The following FAT1 variants were observed in gnomAD, a reference collection of about 807,000 sequenced individuals.
The protein encoded by FAT1 is FAT atypical cadherin 1.
A neutral mutation model predicts 329.8 loss-of-function variants in FAT1; 171 were observed. The ratio of observed to expected loss-of-function variants is 0.52; its 90% CI spans 0.46 to 0.59. FAT1 has a LOEUF of 0.59. Among genes scored for constraint, FAT1 ranks in the 20% least tolerant of loss-of-function variants. The pLI is 0.00. For synonymous variants in FAT1, 2,233 were observed against 2,228.6 expected, an observed-to-expected ratio of 1.00 and a Z score of -0.06; for missense variants, 5,672 against 5,774.4, an observed-to-expected ratio of 0.98 and a Z score of 0.57.
rs1418159419 is a variant in FAT1, at chr4:186,623,689, A to G, written c.4811-1914T>C. Among the ~76,000 whole-genome samples the G allele has an allele frequency of 2.6e-5, 4 of 152,182 alleles. No homozygotes were observed. The East Asian group carries it at 7.7e-4, about 29-fold the overall frequency. ...CTCCCTGCCCTCCAGCCAAGTGGGC[A>G]TTCTCTTTGTCCTCAATCAGGAGAG... is the stretch of plus-strand genomic sequence containing the variant. On this transcript the variant is annotated intron_variant, in intron 9 of 26. Coordinates refer to ENST00000441802, the MANE Select transcript of FAT1 (RefSeq NM_005245.4).
chr4:186,640,223 T>G (rs1741031505), intron 3 of FAT1, among the ~76,000 whole-genome samples: 1 of 152,186 alleles, frequency 6.6e-6, no homozygotes, highest in Non-Finnish European at 1.5e-5. Context: ...CTAAAGAAAT[T>G]TAATTTCCAG....
At chr4:186,597,299 G>C (rs1430578492) in intron 24 of FAT1, 128 bp from the exon 25 acceptor site, 2 of 1,079,194 alleles carry the variant, frequency 1.9e-6, no homozygotes, top group African/African-American at 3.2e-5. Flanking sequence ...CCAGATAAAA[G>C]ACAACTAAAA....
At chr4:186,712,383 G>A (rs1745002091) in intron 1 of FAT1, among the ~76,000 whole-genome samples, 2 of 151,860 alleles carry the variant, frequency 1.3e-5, no homozygotes, top group Admixed American at 1.3e-4. Context: ...GCATGAGTAT[G>A]TGTTGTCTTT....
chr4:186,590,677 T>C, intron 26 of FAT1: 1 of 456,240 alleles, frequency 2.2e-6, no homozygotes, highest in South Asian at 1.5e-5. Flanking sequence ...TTCTTTTCCT[T>C]GTTTCTGACA....
chr4:186,598,260 A>T, intron 22 of FAT1, 135 bp from the exon 23 acceptor site: 9 of 843,570 alleles, frequency 1.1e-5, no homozygotes, highest in Non-Finnish European at 1.6e-5. Flanking sequence ...CTGGGAAAAA[A>T]GTTGGCTACA....
At chr4:186,646,236 C>T (rs1291560221) in intron 3 of FAT1, among the ~76,000 whole-genome samples, 1 of 152,078 alleles carries the variant, frequency 6.6e-6, no homozygotes, top group Non-Finnish European at 1.5e-5. Context: ...AGAATAAGCA[C>T]AGGAAGGGAA....
chr4:186,705,182 A>G (rs1433328773), intron 2 of FAT1, among the ~76,000 whole-genome samples: 2 of 150,242 alleles, frequency 1.3e-5, no homozygotes, highest in East Asian at 4.0e-4. Flanking sequence ...GGCCTCAAGC[A>G]ATCCTCCCAC....
chr4:186,707,082 A>G lies in FAT1; in HGVS notation c.2746T>C (p.Ser916Pro), dbSNP rs375750522. The G allele has an allele frequency of 3.1e-6, 5 of 1,613,840 alleles. No homozygotes were observed. The highest frequency in any genetic ancestry group is 4.2e-6 in the Non-Finnish European group (5 of 1,179,906). Reference sequence around the variant, plus strand: ...GGGTTGTCATTAACATCTTCTAGTGATACTTTCACAACGACAGTGGAGAAC... The same window carrying G: ...GGGTTGTCATTAACATCTTCTAGTGGTACTTTCACAACGACAGTGGAGAAC... Reference protein sequence around the residue: ...QLFSTVVVKVSLEDVNDNPPT... With the variant: ...QLFSTVVVKVPLEDVNDNPPT... Residue 916 changes from serine (S) to proline (P), a missense_variant, in exon 2 of 27, where the codon TCA becomes CCA. Physicochemically the swap from Ser to Pro is moderately conservative, Grantham distance 74 (BLOSUM62 -1). Coordinates refer to ENST00000441802, the MANE Select transcript of FAT1 (RefSeq NM_005245.4).
chr4:186,692,208 C>T (rs778126781), intron 2 of FAT1, among the ~76,000 whole-genome samples: 1 of 152,258 alleles, frequency 6.6e-6, no homozygotes, highest in Non-Finnish European at 1.5e-5. Flanking sequence ...CCACAGAGCA[C>T]TTTCCTATTA....
intron 3 of FAT1, among the ~76,000 whole-genome samples, chr4:186,642,852 G>C: frequency 6.6e-6 from 1 of 152,172 alleles, no homozygotes; most frequent in Non-Finnish European, 1.5e-5. Context: ...CTTCAACCTA[G>C]GAAGCAATCT....
intron 1 of FAT1, among the ~76,000 whole-genome samples, chr4:186,719,133 C>G (rs1745348044): frequency 6.6e-6 from 1 of 152,206 alleles, no homozygotes; most frequent in Non-Finnish European, 1.5e-5. Context: ...TCTTCCAACT[C>G]TTCCTCCACA....
At position 186,617,722 on chromosome 4, in the gene FAT1, G is replaced by T. The variant is rs2126487261; in HGVS notation, c.8864C>A (p.Thr2955Lys). 1 of 1,571,460 alleles carries T rather than the reference G, an allele frequency of 6.4e-7. No homozygotes were observed. Among genetic ancestry groups the T allele is most frequent in the Non-Finnish European group, 8.6e-7 (1 of 1,160,512 alleles). The part of the protein sequence containing the change: ...ADSEEINRQV[T>K]YFITGGDPLG... ...ATTTTTTTTACCTGTTATGAAATATGTAACTTGTCTGTTGATCTCTTCAGA... is the reference window on the plus strand; with the variant it reads ...ATTTTTTTTACCTGTTATGAAATATTTAACTTGTCTGTTGATCTCTTCAGA... The change falls in exon 10 of 27, where the codon ACA becomes AAA. Residue 2955 changes from threonine to lysine, a missense_variant. Thr to Lys is a moderately conservative substitution (Grantham distance 78). Around this residue, in one of 2 missense-constraint regions of FAT1, gnomAD observed 3,966 missense variants for 3,915.2 expected, o/e 1.01. Transcript: ENST00000441802.
chr4:186,685,638 T>G (rs1743422573), intron 2 of FAT1, among the ~76,000 whole-genome samples: 1 of 152,268 alleles, frequency 6.6e-6, no homozygotes. Flanking sequence ...ACCTGCATAA[T>G]GCTTTCTACA....
intron 7 of FAT1, 127 bp downstream of exon 7, chr4:186,633,557 T>C (rs1740687253): frequency 2.1e-5 from 19 of 915,052 alleles, no homozygotes; most frequent in South Asian, 9.2e-5. Context: ...TTAGTGTGCA[T>C]GTGTGTAAAC....
chr4:186,706,353 C>A (rs905361495), intron 2 of FAT1, among the ~76,000 whole-genome samples: 12 of 152,136 alleles, frequency 7.9e-5, no homozygotes, highest in African/African-American at 2.9e-4. Flanking sequence ...ACTTAAATCA[C>A]TCAGGCCCTT....
intron 3 of FAT1, among the ~76,000 whole-genome samples, chr4:186,640,588 T>C (rs1020702869): frequency 6.6e-6 from 1 of 152,220 alleles, no homozygotes; most frequent in Non-Finnish European, 1.5e-5. Flanking sequence ...TAAAAAGTAA[T>C]GTAATTTTCC....
At chr4:186,675,842 T>A (rs1742932655) in intron 2 of FAT1, among the ~76,000 whole-genome samples, 1 of 151,796 alleles carries the variant, frequency 6.6e-6, no homozygotes, top group Non-Finnish European at 1.5e-5. Flanking sequence ...TTTTAAAAGC[T>A]GTACCTTATT....
chr4:186,608,028 T>C (rs538846514), intron 16 of FAT1, among the ~76,000 whole-genome samples: 45 of 152,286 alleles, frequency 3.0e-4, no homozygotes, highest in African/African-American at 9.9e-4. Flanking sequence ...AAAACCACAT[T>C]CATTAGCCTC....
chr4:186,664,461 G>C (rs939647232), intron 2 of FAT1, among the ~76,000 whole-genome samples: 1 of 152,158 alleles, frequency 6.6e-6, no homozygotes, highest in Admixed American at 6.5e-5. Flanking sequence ...ATCTTAATCA[G>C]GGTTGGTATA....
Sources: allele counts gnomAD v4.1 joint callset (sites outside exome capture counted in the v4.1 genomes callset), GRCh38; gene constraint gnomAD v4.1.1; regional missense constraint gnomAD v4.1.1; transcripts MANE v1.5; gene names NCBI Gene and HGNC (gene_info 2026-07-23, HGNC 2026-07-21).